The following CEP170 variants were observed in gnomAD, a reference collection of about 807,000 sequenced individuals.
The protein encoded by CEP170 is centrosomal protein of 170 kDa.
Under a neutral mutation model 151.9 loss-of-function variants are expected in CEP170, and 21 were observed. That is an observed-to-expected ratio of 0.14 (90% CI 0.10 to 0.20). CEP170 has a LOEUF of 0.20. CEP170 is among the 10% of genes least tolerant of loss of function. The pLI, the probability that CEP170 is intolerant of heterozygous loss-of-function variation, is 1.00. For missense variants in CEP170, 964 were observed against 1,892.9 expected (o/e 0.51, Z 9.11); for synonymous variants, 356 against 648.8 (o/e 0.55, Z 6.86).
intron 1 of CEP170, among the ~76,000 whole-genome samples, chr1:243,227,536 G>C (rs1290450334): frequency 6.6e-6 from 1 of 152,122 alleles, no homozygotes; most frequent in South Asian, 2.1e-4. Flanking sequence ...TGTGATTCAA[G>C]GGTCAGATTT....
At chr1:243,182,265 G>A (rs1558523731) in intron 10 of CEP170, among the ~76,000 whole-genome samples, 1 of 152,082 alleles carries the variant, frequency 6.6e-6, no homozygotes, top group Non-Finnish European at 1.5e-5. Context: ...GCCATATGTG[G>A]AGCTATGCTC....
rs368220633 is a variant in CEP170, at chr1:243,164,720, C to T, written c.3240G>A (p.Pro1080=). The T allele has an allele frequency of 1.5e-5, 25 of 1,613,386 alleles. No homozygotes were observed. The highest frequency in any genetic ancestry group is 5.5e-5 in the South Asian group (5 of 91,032). Residue 1080 remains proline (P), a synonymous_variant, in exon 13 of 20, where the codon CCG becomes CCA. Transcript: ENST00000366542. Reference sequence around the variant, plus strand: ...ATTTACTAGATGAACCAGATACCACCGGAGAAGTCTTAGATTTCGTTACTT... The same window carrying T: ...ATTTACTAGATGAACCAGATACCACTGGAGAAGTCTTAGATTTCGTTACTT... ...GSKVTKSKTS[P]VVSGSSSKST... is the part of the protein sequence containing the mutation.
At position 243,226,742 on chromosome 1, in the gene CEP170, C is replaced by T. The variant is rs537784878; in HGVS notation, c.-41-1421G>A. On this transcript the variant is annotated intron_variant, in intron 1 of 19. Coordinates refer to ENST00000366542, the MANE Select transcript of CEP170 (RefSeq NM_014812.3). ...CAGTGGCTCACGCCGGTAATCCCAG[C>T]ACTTTGGGAGGCCGAGGCGGGCAGA... Among the ~76,000 whole-genome samples the T allele has an allele frequency of 2.6e-4, 39 of 152,308 alleles. No homozygotes were observed. In the South Asian group the frequency reaches 6.8e-3, roughly 27 times the overall value.
intron 2 of CEP170, among the ~76,000 whole-genome samples, chr1:243,224,765 G>C (rs781245352): frequency 6.6e-6 from 1 of 152,066 alleles, no homozygotes; most frequent in African/African-American, 2.4e-5. Flanking sequence ...TTTAAAAATT[G>C]TCAACAATCT....
chr1:243,182,168 CTT>C (rs1213442831), intron 10 of CEP170, among the ~76,000 whole-genome samples: 2 of 151,844 alleles, frequency 1.3e-5, no homozygotes, highest in South Asian at 2.1e-4. Context: ...GGCAGCCCCT[CTT>C]GTTTTGCCTT....
intron 14 of CEP170, among the ~76,000 whole-genome samples, chr1:243,148,086 G>A (rs1481919784): frequency 6.6e-6 from 1 of 151,956 alleles, no homozygotes; most frequent in East Asian, 1.9e-4. Context: ...GGCTGAGGCA[G>A]GAGAATCCTT....
At chr1:243,150,912 C>A (rs915844354) in intron 14 of CEP170, among the ~76,000 whole-genome samples, 4 of 152,114 alleles carry the variant, frequency 2.6e-5, no homozygotes, top group African/African-American at 9.7e-5. Flanking sequence ...CTAGGTCACA[C>A]AGACCTTGTG....
intron 4 of CEP170, among the ~76,000 whole-genome samples, chr1:243,207,106 C>T (rs1416371641): frequency 6.6e-6 from 1 of 151,992 alleles, no homozygotes; most frequent in African/African-American, 2.4e-5. Flanking sequence ...TGTGAATGGC[C>T]TACATCACCA....
chr1:243,223,079 C>T (rs989699289), intron 2 of CEP170, among the ~76,000 whole-genome samples: 4 of 152,154 alleles, frequency 2.6e-5, no homozygotes, highest in African/African-American at 9.7e-5. Flanking sequence ...GAAGCAACAA[C>T]GCACCACTCA....
At chr1:243,203,361 C>G (rs1442301544) in intron 4 of CEP170, among the ~76,000 whole-genome samples, 1 of 152,142 alleles carries the variant, frequency 6.6e-6, no homozygotes, top group African/African-American at 2.4e-5. Context: ...TAAGCCATCC[C>G]CCTGTACTGA....
At chr1:243,209,914 C>T (rs549766691) in intron 4 of CEP170, among the ~76,000 whole-genome samples, 281 of 152,176 alleles carry the variant, frequency 1.8e-3, no homozygotes, top group African/African-American at 6.7e-3. Flanking sequence ...AGGATGGTCT[C>T]AATCTCCTGA....
Position 243,186,050 on chromosome 1 carries a change from C to T in CEP170, c.1295G>A (p.Gly432Glu), listed in dbSNP as rs190469777. The T allele has an allele frequency of 1.7e-5, 27 of 1,613,628 alleles. No individual in the cohort carries two copies. The highest frequency in any genetic ancestry group is 2.7e-5 in the African/African-American group (2 of 74,920). The change falls in exon 10 of 20, where the codon GGG becomes GAG. Residue 432 changes from glycine to glutamate, a missense_variant. Coordinates refer to ENST00000366542, the MANE Select transcript of CEP170 (RefSeq NM_014812.3). ...TTTCCCATGTGGAACACCATGCCCC[C>T]CTCTGTGATGCGCAGAGCTAGTCTG... ...QAVTSSAHHR[G>E]GHGVPHGKLL...
rs190292941 is a variant in CEP170, at chr1:243,157,509, T to C, written c.3677-1054A>G. ...GCTAGCAAATGTTTAACAAATATTT[T>C]TGAAAAAAATGTAAGAATTCCTGGA... On this transcript the variant is annotated intron_variant, in intron 13 of 19. Coordinates refer to ENST00000366542, the MANE Select transcript of CEP170 (RefSeq NM_014812.3). 3.3e-5 allele frequency among the ~76,000 whole-genome samples: 5 copies of C among 152,294 alleles called. No individual in the cohort carries two copies. In the East Asian group the frequency reaches 9.6e-4, roughly 29 times the overall value.
At chr1:243,225,414 G>A (rs762259125) in intron 1 of CEP170, 93 bp from the exon 2 acceptor site, 19 of 512,890 alleles carry the variant, frequency 3.7e-5, no homozygotes, top group South Asian at 1.2e-4. Context: ...ATAGAACTGC[G>A]TTCATCAACA....
intron 13 of CEP170, among the ~76,000 whole-genome samples, chr1:243,161,306 A>AT: frequency 6.6e-6 from 1 of 151,640 alleles, no homozygotes; most frequent in South Asian, 2.1e-4. Context: ...TCCGTCTCAA[A>AT]AAAAAAAAAA....
At chr1:243,189,423 G>A (rs1457449717) in intron 8 of CEP170, among the ~76,000 whole-genome samples, 3 of 151,896 alleles carry the variant, frequency 2.0e-5, no homozygotes, top group Non-Finnish European at 4.4e-5. Context: ...GGGTGTGGTG[G>A]TGGGCGCCTG....
intron 8 of CEP170, among the ~76,000 whole-genome samples, chr1:243,188,242 T>A (rs1030534155): frequency 2.0e-5 from 3 of 152,140 alleles, no homozygotes; most frequent in Non-Finnish European, 4.4e-5. Context: ...ACCATAAGAA[T>A]AACAGATCAC....
intron 1 of CEP170, among the ~76,000 whole-genome samples, chr1:243,243,710 T>A (rs879678676): frequency 3.3e-5 from 5 of 151,922 alleles, no homozygotes; most frequent in Non-Finnish European, 7.4e-5. Context: ...TTTTTTAAAG[T>A]AGAGACAGGG....
Position 243,139,969 on chromosome 1 carries a change from T to C in CEP170, c.4198A>G (p.Ile1400Val), listed in dbSNP as rs1213040738. 1 of 1,613,172 alleles carries C rather than the reference T, an allele frequency of 6.2e-7. No homozygotes were observed. The highest frequency in any genetic ancestry group is 1.3e-5 in the African/African-American group (1 of 74,928). ...QAAEPPDHLTITRRRTWSRDE... is the reference protein window; with the variant it reads ...QAAEPPDHLTVTRRRTWSRDE... Reference sequence around the variant, plus strand: ...CTGCTCCAGGTTCTCCGCCTTGTAATTGTTAAGTGATCGGGAGGCTCTGCT... The same window carrying C: ...CTGCTCCAGGTTCTCCGCCTTGTAACTGTTAAGTGATCGGGAGGCTCTGCT... The change falls in exon 16 of 20, where the codon ATT becomes GTT. Residue 1400 changes from isoleucine (I) to valine (V), a missense_variant. Coordinates refer to ENST00000366542, the MANE Select transcript of CEP170 (RefSeq NM_014812.3).
Sources: gnomAD v4.1 joint callset for allele counts (sites outside exome capture counted in the v4.1 genomes callset) on GRCh38, gnomAD v4.1.1 for gene constraint, MANE v1.5 for transcripts, NCBI Gene and HGNC (gene_info 2026-07-23, HGNC 2026-07-21) for gene names.